The following BTC variants were observed in gnomAD, a reference collection of about 807,000 sequenced individuals.
BTC encodes betacellulin.
BTC carries 13 observed loss-of-function variants against 18.1 expected under a neutral mutation model. The ratio of observed to expected loss-of-function variants is 0.72; its 90% CI spans 0.47 to 1.14. BTC has a LOEUF of 1.14. BTC is among the 50% of genes most tolerant of loss of function. The pLI is 0.00. For missense variants in BTC, 247 were observed against 224.2 expected, an observed-to-expected ratio of 1.10 and a Z score of -0.65; for synonymous variants, 83 against 79.4, an observed-to-expected ratio of 1.05 and a Z score of -0.24.
chr4:74,754,938 AAC>A (rs33972204), intron 3 of BTC, among the ~76,000 whole-genome samples: 55,863 of 149,866 alleles, frequency 0.37, 10,311 homozygotes, highest in South Asian at 0.47. Flanking sequence ...TATCCCTCTC[AAC>A]ACACACACAC....
intron 3 of BTC, among the ~76,000 whole-genome samples, chr4:74,754,938 A>AACACAT (rs1553956531): frequency 3.3e-5 from 5 of 149,904 alleles, no homozygotes; most frequent in African/African-American, 1.2e-4. Context: ...TATCCCTCTC[A>AACACAT]ACACACACAC....
chr4:74,758,486 G>C (rs1553956986), intron 2 of BTC, among the ~76,000 whole-genome samples: 1 of 152,126 alleles, frequency 6.6e-6, no homozygotes, highest in African/African-American at 2.4e-5. Context: ...AACTCAAGAG[G>C]CAGAAGACTT....
At position 74,746,533 on chromosome 4, in the gene BTC, C is replaced by G. The variant is rs1377143843; in HGVS notation, c.*144G>C. ...ATGTTCTTATTAAAAAATAATAACA[C>G]AAACTAAAGTTGCAAATAAAAAGTA... On this transcript the variant is annotated 3_prime_UTR_variant, in exon 6 of 6. Transcript: ENST00000395743. 1 of 152,474 alleles carries G rather than the reference C, an allele frequency of 6.6e-6. No homozygotes were observed. Among genetic ancestry groups the G allele is most frequent in the Non-Finnish European group, 1.5e-5 (1 of 68,014 alleles). 9.4% of individuals were successfully genotyped at this position (152,474 alleles called of 1,614,324 possible).
chr4:74,762,703 T>C (rs542957039), intron 2 of BTC, among the ~76,000 whole-genome samples: 3 of 152,140 alleles, frequency 2.0e-5, no homozygotes, highest in Admixed American at 1.3e-4. Flanking sequence ...CATATAAGAG[T>C]AGACCCATCT....
intron 2 of BTC, among the ~76,000 whole-genome samples, chr4:74,761,127 T>A (rs1724745805): frequency 9.3e-6 from 1 of 107,054 alleles, no homozygotes. Flanking sequence ...ATCTAATCCC[T>A]TTGGAGGAAA....
intron 2 of BTC, among the ~76,000 whole-genome samples, chr4:74,765,192 T>C (rs778568444): frequency 1.3e-5 from 2 of 150,814 alleles, no homozygotes; most frequent in Non-Finnish European, 2.9e-5. Flanking sequence ...TATAATTTAT[T>C]TGACAGAGAA....
chr4:74,748,095 C>A lies in BTC; in HGVS notation c.483G>T (p.Leu161=). The A allele has an allele frequency of 1.2e-6, 2 of 1,610,868 alleles. No individual in the cohort carries two copies. The highest frequency in any genetic ancestry group is 1.7e-6 in the Non-Finnish European group (2 of 1,178,984). ...CATTGATAGGAGTTATATCTTTACCCAGAGTTTCCATTTCTTCTTCTTTCT... is the reference window on the plus strand; with the variant it reads ...CATTGATAGGAGTTATATCTTTACCAAGAGTTTCCATTTCTTCTTCTTTCT... ...RKKKEEEMET[L]GKDITPINED... Residue 161 remains leucine (L), a synonymous_variant, in exon 5 of 6, where the codon CTG becomes CTT. Transcript: ENST00000395743.
chr4:74,767,795 A>G (rs972496956), intron 2 of BTC, among the ~76,000 whole-genome samples: 1 of 152,144 alleles, frequency 6.6e-6, no homozygotes, highest in Non-Finnish European at 1.5e-5. Context: ...AGGAAAGGGT[A>G]ATCTCTTGAA....
intron 1 of BTC, among the ~76,000 whole-genome samples, chr4:74,776,222 G>T (rs1382906029): frequency 6.7e-6 from 1 of 150,316 alleles, no homozygotes; most frequent in Non-Finnish European, 1.5e-5. Flanking sequence ...CCTTTTAAAT[G>T]TTTTTTGGGT....
At chr4:74,749,504 A>AAATG (rs1560708084) in intron 4 of BTC, among the ~76,000 whole-genome samples, 1 of 150,368 alleles carries the variant, frequency 6.7e-6, no homozygotes, top group Admixed American at 6.6e-5. Context: ...ATAAATAAAT[A>AAATG]AATAAATAAA....
intron 1 of BTC, among the ~76,000 whole-genome samples, chr4:74,793,751 C>G (rs1725693035): frequency 6.6e-6 from 1 of 152,178 alleles, no homozygotes; most frequent in Admixed American, 6.5e-5. Context: ...CTCCCGCTGG[C>G]ACTCTTCCCT....
intron 3 of BTC, among the ~76,000 whole-genome samples, chr4:74,753,111 C>T (rs1225769280): frequency 6.6e-6 from 1 of 152,130 alleles, no homozygotes; most frequent in Non-Finnish European, 1.5e-5. Context: ...GCAAAGAGAG[C>T]AGATTCTAAG....
intron 3 of BTC, among the ~76,000 whole-genome samples, chr4:74,753,717 A>G (rs925221070): frequency 3.3e-5 from 5 of 152,172 alleles, no homozygotes; most frequent in African/African-American, 1.2e-4. Context: ...TAGGTTGATT[A>G]TCTACCACTC....
At chr4:74,780,624 A>G (rs922138955) in intron 1 of BTC, among the ~76,000 whole-genome samples, 1 of 152,080 alleles carries the variant, frequency 6.6e-6, no homozygotes, top group South Asian at 2.1e-4. Context: ...GTTGTGCTTT[A>G]TTTTTACCCT....
chr4:74,754,499 C>T (rs1223364053), intron 3 of BTC, among the ~76,000 whole-genome samples: 1 of 152,152 alleles, frequency 6.6e-6, no homozygotes, highest in Non-Finnish European at 1.5e-5. Flanking sequence ...AGGAGGAAGT[C>T]AGTGAAGGGG....
chr4:74,749,483 A>AAATAAAT (rs1553955858), intron 4 of BTC, among the ~76,000 whole-genome samples: 25,983 of 143,656 alleles, frequency 0.18, 2,827 homozygotes, highest in Non-Finnish European at 0.25. Context: ...ACTCTGTCTC[A>AAATAAAT]AAATAAATAA....
chr4:74,764,286 C>A (rs1560714990), intron 2 of BTC, among the ~76,000 whole-genome samples: 1 of 152,154 alleles, frequency 6.6e-6, no homozygotes, highest in East Asian at 1.9e-4. Flanking sequence ...GGGAAACTGG[C>A]TTTTACACAA....
At chr4:74,791,741 T>C (rs1174187482) in intron 1 of BTC, among the ~76,000 whole-genome samples, 2 of 152,230 alleles carry the variant, frequency 1.3e-5, no homozygotes, top group Non-Finnish European at 2.9e-5. Flanking sequence ...ACATTTGTAA[T>C]AGACATAAGC....
chr4:74,753,919 A>C (rs1036583361), intron 3 of BTC, among the ~76,000 whole-genome samples: 2 of 152,208 alleles, frequency 1.3e-5, no homozygotes, highest in African/African-American at 2.4e-5. Flanking sequence ...AAAAATTATG[A>C]AACACTTGCT....
Sources: allele counts gnomAD v4.1 joint callset (sites outside exome capture counted in the v4.1 genomes callset), GRCh38; gene constraint gnomAD v4.1.1; transcripts MANE v1.5; gene names NCBI Gene and HGNC (gene_info 2026-07-23, HGNC 2026-07-21).